Variants in NHSL1 observed in about 807,000 individuals in gnomAD.
NHSL1 encodes NHS like 1, also known as NHS-like protein 1.
A neutral mutation model predicts 95.0 loss-of-function variants in NHSL1; 48 were observed. The ratio of observed to expected loss-of-function variants is 0.51; its 90% CI spans 0.40 to 0.64. NHSL1 has a LOEUF of 0.64. NHSL1 is among the 30% of genes least tolerant of loss of function. The pLI, the probability that NHSL1 is intolerant of heterozygous loss-of-function variation, is 0.00. For missense variants in NHSL1, 1,971 were observed against 2,077.7 expected (o/e 0.95, Z 1.00); for synonymous variants, 783 against 833.9 (o/e 0.94, Z 1.05).
At chr6:138,593,774 C>T (rs1348127738) in intron 1 of NHSL1, among the ~76,000 whole-genome samples, 1 of 152,144 alleles carries the variant, frequency 6.6e-6, no homozygotes, top group Non-Finnish European at 1.5e-5. Context: ...ACAAAGAAAG[C>T]TGAGGGATAG....
Position 138,424,161 on chromosome 6 carries a change from C to CG in NHSL1, c.4740dup (p.Gly1581ArgfsTer32). The CG allele has an allele frequency of 6.9e-7, 1 of 1,453,560 alleles. No individual in the cohort carries two copies. The highest frequency in any genetic ancestry group is 9.0e-7 in the Non-Finnish European group (1 of 1,107,488). The allele number at this position is 1,453,560 out of a possible 1,614,324, so 90.0% of individuals were successfully genotyped here. A position where few individuals can be genotyped will look rare whatever the true frequency, so the allele number is the denominator to read the frequency against. ...GCACTGGCTGTCCCATCCACAGGGC[C>CG]GGGGGCCTGGGGCTGCAGGGAGGCG... On this transcript the variant is annotated frameshift_variant, in exon 8 of 8. Transcript: ENST00000343505. LOFTEE classifies it low-confidence loss of function (END_TRUNC). This position sits in a 1 kb window ranked among gnomAD's most constrained non-coding sequence, Gnocchi z 5.9.
At position 138,424,695 on chromosome 6, in the gene NHSL1, C is replaced by T. The variant is rs756906094; in HGVS notation, c.4207G>A (p.Gly1403Arg). The change falls in exon 8 of 8, where the codon GGG becomes AGG. Residue 1403 changes from glycine to arginine, a missense_variant. Gly to Arg is a moderately radical substitution (Grantham distance 125). Transcript: ENST00000343505. This position sits in a 1 kb window ranked among gnomAD's most constrained non-coding sequence, Gnocchi z 5.9. ...APSLASPKQV[G>R]SIQRSIRKSS... ...TTTCGGATGCTTCTCTGAATCGACC[C>T]CACTTGCTTTGGAGAGGCCAGGCTT... The T allele has an allele frequency of 1.9e-6, 3 of 1,551,460 alleles. No homozygotes were observed. Among genetic ancestry groups the T allele is most frequent in the Admixed American group, 3.9e-5 (2 of 50,970 alleles).
At chr6:138,641,728 C>A (rs1484001574) in intron 1 of NHSL1, among the ~76,000 whole-genome samples, 2 of 151,634 alleles carry the variant, frequency 1.3e-5, no homozygotes, top group Non-Finnish European at 2.9e-5. Flanking sequence ...TGCACCCAAC[C>A]TTTCTTCCTC....
chr6:138,512,091 A>G (rs1272532858), intron 1 of NHSL1, among the ~76,000 whole-genome samples: 3 of 152,228 alleles, frequency 2.0e-5, no homozygotes, highest in Non-Finnish European at 4.4e-5. Context: ...GTGATAAAAC[A>G]AGTTTAAATA....
intron 1 of NHSL1, among the ~76,000 whole-genome samples, chr6:138,570,775 G>C (rs983041413): frequency 6.6e-6 from 1 of 152,244 alleles, no homozygotes; most frequent in African/African-American, 2.4e-5. Flanking sequence ...AAAGACTCCA[G>C]CAAGGTTTCT....
intron 1 of NHSL1, among the ~76,000 whole-genome samples, chr6:138,668,626 CTT>C (rs1231203513): frequency 6.9e-5 from 9 of 130,378 alleles, no homozygotes; most frequent in Admixed American, 1.6e-4. Context: ...ATTTTTTTTT[CTT>C]TTTTTTTTTT....
At chr6:138,525,716 A>G (rs953323290) in intron 1 of NHSL1, among the ~76,000 whole-genome samples, 11 of 152,142 alleles carry the variant, frequency 7.2e-5, no homozygotes, top group African/African-American at 2.7e-4. Flanking sequence ...ATGAGGGTAC[A>G]TAGGGGAGTT....
At chr6:138,593,113 T>C (rs539905466) in intron 1 of NHSL1, among the ~76,000 whole-genome samples, 18 of 152,224 alleles carry the variant, frequency 1.2e-4, no homozygotes, top group Admixed American at 8.5e-4. Context: ...AGAGAATCAG[T>C]AGAATTCAAA....
chr6:138,482,966 C>T (rs1454079851), intron 2 of NHSL1, among the ~76,000 whole-genome samples: 1 of 152,190 alleles, frequency 6.6e-6, no homozygotes, highest in African/African-American at 2.4e-5. Flanking sequence ...TGAGTCCACT[C>T]CCATATCTGA....
upstream of NHSL1, among the ~76,000 whole-genome samples, chr6:138,504,211 G>C (rs1780838826): frequency 6.6e-6 from 1 of 152,052 alleles, no homozygotes; most frequent in Non-Finnish European, 1.5e-5. Flanking sequence ...ATCCAGCCTG[G>C]GTGACAGAAT....
chr6:138,490,380 G>A (rs1410819015), intron 2 of NHSL1, among the ~76,000 whole-genome samples: 1 of 152,078 alleles, frequency 6.6e-6, no homozygotes, highest in African/African-American at 2.4e-5. Flanking sequence ...CGAAAGACAA[G>A]GGGTATCTGC....
chr6:138,538,405 T>C (rs1782445769), intron 1 of NHSL1, among the ~76,000 whole-genome samples: 1 of 152,186 alleles, frequency 6.6e-6, no homozygotes, highest in Admixed American at 6.5e-5. Flanking sequence ...GAAAAGTTGC[T>C]ACTCTCAGTG....
rs371515402 is a variant in NHSL1 at position 138,437,680 on chromosome 6, A to G, written c.665-4000T>C. Among the ~76,000 whole-genome samples the G allele has an allele frequency of 1.7e-3, 265 of 152,268 alleles. 2 individuals carry two copies. The highest frequency in any genetic ancestry group is 6.1e-3 in the African/African-American group (253 of 41,562). On this transcript the variant is annotated intron_variant, in intron 5 of 7. Coordinates refer to ENST00000343505, the MANE Select transcript of NHSL1 (RefSeq NM_001144060.2). ...GTTGGAAACCTGAAAAGGATTCACT[A>G]CTCTAGCACAGTAAGAACAATTTTA...
chr6:138,651,354 T>G (rs1785090827), intron 1 of NHSL1, among the ~76,000 whole-genome samples: 1 of 152,258 alleles, frequency 6.6e-6, no homozygotes, highest in Non-Finnish European at 1.5e-5. Flanking sequence ...TCCTTTGTAT[T>G]TCTAAACATC....
chr6:138,650,581 AT>A (rs1785078344), intron 1 of NHSL1: 2 of 590,366 alleles, frequency 3.4e-6, no homozygotes, highest in Admixed American at 3.9e-5. Flanking sequence ...AATCCAACAA[AT>A]TCCAGCAGCC....
chr6:138,565,377 G>C (rs574350892), intron 1 of NHSL1, among the ~76,000 whole-genome samples: 1 of 152,278 alleles, frequency 6.6e-6, no homozygotes, highest in Admixed American at 6.5e-5. Flanking sequence ...CAGGTGCTGG[G>C]ATTATAGGCT....
At chr6:138,575,327 G>A (rs1783951869), upstream of NHSL1, among the ~76,000 whole-genome samples, 1 of 152,110 alleles carries the variant, frequency 6.6e-6, no homozygotes, top group Non-Finnish European at 1.5e-5. Context: ...TTTCCTCCAG[G>A]GCCCCCAACC....
At chr6:138,569,137 G>A (rs563593437) in intron 1 of NHSL1, among the ~76,000 whole-genome samples, 1 of 152,226 alleles carries the variant, frequency 6.6e-6, no homozygotes, top group African/African-American at 2.4e-5. Flanking sequence ...CTGCAGAACC[G>A]GACCCCCGCC....
intron 1 of NHSL1, among the ~76,000 whole-genome samples, chr6:138,508,846 T>C (rs1241034109): frequency 6.6e-6 from 1 of 151,624 alleles, no homozygotes; most frequent in African/African-American, 2.4e-5. Context: ...ATGCCTTTCT[T>C]GCAGAAAAAA....
Sources: allele counts gnomAD v4.1 joint callset (sites outside exome capture counted in the v4.1 genomes callset), GRCh38; gene constraint gnomAD v4.1.1; non-coding constraint Gnocchi (gnomAD v3.1); transcripts MANE v1.5; gene names NCBI Gene and HGNC (gene_info 2026-07-23, HGNC 2026-07-21).